The following GABBR2 variants were observed in gnomAD, a reference collection of about 807,000 sequenced individuals.
GABBR2 encodes gamma-aminobutyric acid type B receptor subunit 2.
GABBR2 carries 23 observed loss-of-function variants against 105.6 expected under a neutral mutation model. That is an observed-to-expected ratio of 0.22 (90% confidence interval 0.16 to 0.31). The LOEUF is 0.31. GABBR2 is among the 10% of genes least tolerant of loss of function. GABBR2 has a pLI of 1.00. For missense variants in GABBR2, 734 were observed against 1,245.5 expected (o/e 0.59, Z 6.18); for synonymous variants, 478 against 499.7 (o/e 0.96, Z 0.58).
At chr9:98,293,414 C>A (rs773707120) in intron 18 of GABBR2, among the ~76,000 whole-genome samples, 3 of 152,106 alleles carry the variant, frequency 2.0e-5, no homozygotes, top group African/African-American at 7.2e-5. Flanking sequence ...ACCGCTGTAA[C>A]CCTAGCACCT....
chr9:98,382,338 G>A (rs1461234883), intron 11 of GABBR2, among the ~76,000 whole-genome samples: 1 of 151,934 alleles, frequency 6.6e-6, no homozygotes, highest in South Asian at 2.1e-4. Flanking sequence ...TTTTGAGACC[G>A]AGTCTCGCTC....
chr9:98,369,870 C>G (rs1050496207), intron 12 of GABBR2, among the ~76,000 whole-genome samples: 6 of 152,018 alleles, frequency 3.9e-5, no homozygotes, highest in African/African-American at 1.5e-4. Flanking sequence ...TCATGGTACC[C>G]TGGTGAGAGA....
chr9:98,484,099 G>C (rs1224839496), intron 4 of GABBR2, among the ~76,000 whole-genome samples: 1 of 152,154 alleles, frequency 6.6e-6, no homozygotes, highest in African/African-American at 2.4e-5. Context: ...TAGACCCTGG[G>C]CTCACCATGT....
chr9:98,692,504 G>A (rs1442996080), intron 1 of GABBR2, among the ~76,000 whole-genome samples: 4 of 152,208 alleles, frequency 2.6e-5, no homozygotes, highest in Non-Finnish European at 4.4e-5. Context: ...TACTCTCTCC[G>A]GGGCTTGGCC....
chr9:98,658,856 G>A lies in GABBR2; in HGVS notation c.321+49561C>T, dbSNP rs543087470. ...CACCCAGAAGACCCTTATCTGGAAC[G>A]AATGAGAAACAGAAAGGAAATAGAC... On this transcript the variant is annotated intron_variant, in intron 1 of 18. Coordinates refer to ENST00000259455, the MANE Select transcript of GABBR2 (RefSeq NM_005458.8). Among the ~76,000 whole-genome samples, 111 of 152,286 alleles carry A rather than the reference G, an allele frequency of 7.3e-4. No individual in the cohort carries two copies. In the South Asian group the frequency reaches 9.8e-3, roughly 13 times the overall value.
chr9:98,487,670 T>C (rs569329963), intron 4 of GABBR2, among the ~76,000 whole-genome samples: 12 of 148,916 alleles, frequency 8.1e-5, no homozygotes, highest in Middle Eastern at 3.4e-3. Context: ...CCCAGTTACT[T>C]GGGAGGCTGA....
chr9:98,504,831 G>C (rs1245742054), intron 3 of GABBR2, among the ~76,000 whole-genome samples: 5 of 152,204 alleles, frequency 3.3e-5, no homozygotes, highest in African/African-American at 1.2e-4. Context: ...TGCTAATTAG[G>C]ATAAACAGGC....
rs1387383231 is a variant in GABBR2 at position 98,708,840 on chromosome 9, C to T, written c.-103G>A. 3.2e-6 allele frequency: 2 copies of T among 634,646 alleles called. No homozygotes were observed. Among genetic ancestry groups the T allele is most frequent in the East Asian group, 1.4e-4 (1 of 7,154 alleles). 39.3% of individuals were successfully genotyped at this position (634,646 alleles called of 1,614,324 possible). A position where few individuals can be genotyped will look rare whatever the true frequency, so the allele number is the denominator to read the frequency against. ...TCCCGCGGCGCCCGCGCAATGGCGC[C>T]GGCCCGGGCCCCGGCTCCGTCTCGG... On this transcript the variant is annotated 5_prime_UTR_variant, in exon 1 of 19. Transcript: ENST00000259455.
chr9:98,485,181 T>G (rs1193619511), intron 4 of GABBR2, among the ~76,000 whole-genome samples: 1 of 152,116 alleles, frequency 6.6e-6, no homozygotes, highest in East Asian at 1.9e-4. Context: ...GCAAATGAGA[T>G]GGCCAGGTCT....
At chr9:98,446,450 G>A (rs1326009307) in intron 7 of GABBR2, among the ~76,000 whole-genome samples, 1 of 152,176 alleles carries the variant, frequency 6.6e-6, no homozygotes, top group East Asian at 1.9e-4. Flanking sequence ...ACTGTGACCT[G>A]TTTTTACTTG....
chr9:98,428,615 T>C (rs1004893453), intron 7 of GABBR2, among the ~76,000 whole-genome samples: 8 of 152,228 alleles, frequency 5.3e-5, no homozygotes, highest in Admixed American at 1.3e-4. Flanking sequence ...TATGCAGGGA[T>C]GGATCACATG....
chr9:98,354,282 C>G (rs990480048), intron 13 of GABBR2, among the ~76,000 whole-genome samples: 1 of 152,108 alleles, frequency 6.6e-6, no homozygotes, highest in East Asian at 1.9e-4. Flanking sequence ...TCTTCAGGGC[C>G]CTAGGATTTT....
At chr9:98,337,786 C>T (rs1348850126) in intron 13 of GABBR2, among the ~76,000 whole-genome samples, 2 of 152,136 alleles carry the variant, frequency 1.3e-5, no homozygotes, top group Admixed American at 1.3e-4. Context: ...CGCCTATAAT[C>T]CCAGCACTTT....
chr9:98,695,470 A>T (rs1369999795), intron 1 of GABBR2, among the ~76,000 whole-genome samples: 3 of 152,210 alleles, frequency 2.0e-5, no homozygotes, highest in African/African-American at 7.2e-5. Context: ...GATGGGGCTT[A>T]AAAACACCCC....
At chr9:98,383,143 G>A (rs1224546497) in intron 11 of GABBR2, among the ~76,000 whole-genome samples, 2 of 152,160 alleles carry the variant, frequency 1.3e-5, no homozygotes, top group African/African-American at 4.8e-5. Context: ...GTTTCTCCAT[G>A]TTGGTCAGGC....
chr9:98,321,607 A>G lies in GABBR2; in HGVS notation c.1894-10402T>C, dbSNP rs187885543. ...GGCAGAGCCAAGGTGGGCGGTGGGGACCACTGTAGGACCCTGACCCAGCAG... is the reference window on the plus strand; with the variant it reads ...GGCAGAGCCAAGGTGGGCGGTGGGGGCCACTGTAGGACCCTGACCCAGCAG... On this transcript the variant is annotated intron_variant, in intron 13 of 18. Coordinates refer to ENST00000259455, the MANE Select transcript of GABBR2 (RefSeq NM_005458.8). 3.9e-4 allele frequency among the ~76,000 whole-genome samples: 59 copies of G among 152,270 alleles called. No individual in the cohort carries two copies. In the South Asian group the frequency reaches 5.2e-3, roughly 13 times the overall value.
At chr9:98,422,514 G>GTA (rs1554703983) in intron 7 of GABBR2, among the ~76,000 whole-genome samples, 17 of 151,776 alleles carry the variant, frequency 1.1e-4, no homozygotes, top group East Asian at 3.9e-4. Flanking sequence ...GTGTGTGTGT[G>GTA]TGTGTGTCTG....
At chr9:98,696,408 C>A (rs1349657279) in intron 1 of GABBR2, among the ~76,000 whole-genome samples, 2 of 152,162 alleles carry the variant, frequency 1.3e-5, no homozygotes, top group Non-Finnish European at 1.5e-5. Flanking sequence ...GCTGTGTTCC[C>A]ACCCCAAGAA....
chr9:98,704,226 T>G (rs1299219985), intron 1 of GABBR2, among the ~76,000 whole-genome samples: 1 of 152,140 alleles, frequency 6.6e-6, no homozygotes, highest in Non-Finnish European at 1.5e-5. Flanking sequence ...TAAATCCTTT[T>G]TAAAGCATAG....
Sources: gnomAD v4.1 joint callset for allele counts (sites outside exome capture counted in the v4.1 genomes callset) on GRCh38, gnomAD v4.1.1 for gene constraint, MANE v1.5 for transcripts, NCBI Gene and HGNC (gene_info 2026-07-23, HGNC 2026-07-21) for gene names.